Variants in CDH22 observed in about 807,000 individuals in gnomAD.
The protein encoded by CDH22 is cadherin 22.
In CDH22, 30 loss-of-function variants were observed where a neutral mutation model predicts 58.4. The observed-to-expected ratio is 0.51, with a 90% CI of 0.38 to 0.70. The LOEUF (loss-of-function observed/expected upper bound fraction) is 0.70. Among genes scored for constraint, CDH22 ranks in the 30% least tolerant of loss-of-function variants. The pLI is 0.00. For missense variants in CDH22, 1,014 were observed against 1,233.9 expected (o/e 0.82, Z 2.67); for synonymous variants, 513 against 558.2 (o/e 0.92, Z 1.14).
At chr20:46,259,665 G>A (rs2086422777) in intron 1 of CDH22, among the ~76,000 whole-genome samples, 1 of 152,210 alleles carries the variant, frequency 6.6e-6, no homozygotes, top group Non-Finnish European at 1.5e-5. Context: ...CTGCCTGGAG[G>A]AGGGGGGCAT....
chr20:46,175,367 T>C (rs1383201613), intron 11 of CDH22, among the ~76,000 whole-genome samples: 2 of 152,128 alleles, frequency 1.3e-5, no homozygotes, highest in East Asian at 1.9e-4. Flanking sequence ...TCCTGGGTGT[T>C]GAGGCCTGAG....
chr20:46,279,773 T>C (rs974672686), intron 1 of CDH22, among the ~76,000 whole-genome samples: 13 of 152,218 alleles, frequency 8.5e-5, no homozygotes, highest in Non-Finnish European at 1.5e-4. Context: ...GTATTTCTTA[T>C]AAAATTAAAA....
chr20:46,196,381 C>G (rs914756203), intron 8 of CDH22, among the ~76,000 whole-genome samples: 1 of 152,040 alleles, frequency 6.6e-6, no homozygotes, highest in African/African-American at 2.4e-5. Context: ...TCAAGCGATT[C>G]TCGTGCCTTA....
chr20:46,213,034 T>G lies in CDH22; in HGVS notation c.993A>C (p.Thr331=). 1.2e-6 allele frequency: 2 copies of G among 1,614,196 alleles called. No homozygotes were observed. Among genetic ancestry groups the G allele is most frequent in the Non-Finnish European group, 1.7e-6 (2 of 1,180,020 alleles). ...TGATGGCCTCCTGAGTGTCGCTGTC[T>G]GTGGTGACCTTGAACACATCGCCGC... ...SSGGDVFKVT[T]DSDTQEAIIV... is the part of the protein sequence containing the mutation. The change falls in exon 6 of 12, where the codon ACA becomes ACC. Residue 331 remains threonine (T), a synonymous_variant. Coordinates refer to ENST00000537909, the MANE Select transcript of CDH22 (RefSeq NM_021248.3).
At chr20:46,226,910 T>C (rs1388851052) in intron 4 of CDH22, among the ~76,000 whole-genome samples, 2 of 152,182 alleles carry the variant, frequency 1.3e-5, no homozygotes, top group Non-Finnish European at 2.9e-5. Flanking sequence ...TTAGTCAGGT[T>C]CTAATGTCAC....
chr20:46,258,910 G>A (rs1304600206), intron 1 of CDH22, among the ~76,000 whole-genome samples: 14 of 152,342 alleles, frequency 9.2e-5, no homozygotes, highest in Admixed American at 9.1e-4. Context: ...AGATCCCTGT[G>A]GTAGGGGCTA....
At chr20:46,271,094 A>G (rs1486412843) in intron 1 of CDH22, among the ~76,000 whole-genome samples, 1 of 152,216 alleles carries the variant, frequency 6.6e-6, no homozygotes, top group Non-Finnish European at 1.5e-5. Context: ...GTGGAAGATA[A>G]TGAATAGCAG....
Position 46,174,254 on chromosome 20 carries a change from G to A in CDH22, c.*252C>T. ...CCCCATCTCCCATTCTAACCCCAGA[G>A]CCACACCGTGCCCGGTCTCGCCTCA... On this transcript the variant is annotated 3_prime_UTR_variant, in exon 12 of 12. Coordinates refer to ENST00000537909, the MANE Select transcript of CDH22 (RefSeq NM_021248.3). This position sits in a 1 kb window ranked among gnomAD's most constrained non-coding sequence, Gnocchi z 4.4. 2.1e-6 allele frequency: 1 copy of A among 482,940 alleles called. No individual in the cohort carries two copies. Among genetic ancestry groups the A allele is most frequent in the Non-Finnish European group, 3.6e-6 (1 of 277,642 alleles). The allele number at this position is 482,940 out of a possible 1,614,324, so 29.9% of individuals were successfully genotyped here. A position where few individuals can be genotyped will look rare whatever the true frequency, so the allele number is the denominator to read the frequency against.
At chr20:46,263,586 G>T (rs2425811) in intron 1 of CDH22, among the ~76,000 whole-genome samples, 57,739 of 151,966 alleles carry the variant, frequency 0.38, 11,614 homozygotes, top group Middle Eastern at 0.55. Flanking sequence ...TTAGGGATGG[G>T]TGGGGCAAGT....
chr20:46,180,742 T>C (rs1437917335), intron 10 of CDH22, among the ~76,000 whole-genome samples: 1 of 152,056 alleles, frequency 6.6e-6, no homozygotes, highest in Admixed American at 6.5e-5. Context: ...AACAAATCTT[T>C]TTTTTTCTTG....
At chr20:46,193,981 C>A (rs1293976724) in intron 8 of CDH22, among the ~76,000 whole-genome samples, 2 of 152,060 alleles carry the variant, frequency 1.3e-5, no homozygotes, top group East Asian at 3.9e-4. Flanking sequence ...GAGTGAGAGC[C>A]CCCTCTTTAC....
intron 1 of CDH22, among the ~76,000 whole-genome samples, chr20:46,284,657 G>A (rs146648621): frequency 1.3e-5 from 2 of 152,296 alleles, no homozygotes; most frequent in Non-Finnish European, 2.9e-5. Flanking sequence ...CAGTGGCTCA[G>A]TATTTTTAAT....
chr20:46,174,749 C>T lies in CDH22; in HGVS notation c.2244G>A (p.Arg748=). The change falls in exon 12 of 12, where the codon AGG becomes AGA. Residue 748 remains arginine, a synonymous_variant. Coordinates refer to ENST00000537909, the MANE Select transcript of CDH22 (RefSeq NM_021248.3). The surrounding 1 kb of genome is among the most constrained non-coding windows in gnomAD (Gnocchi z 4.4). ...PSPEPDFSVF[R]DFISRKVALA... Reference sequence around the variant, plus strand: ...GTGCCACCTTGCGGCTGATGAAGTCCCTGAACACTGAGAAGTCTGGCTCGG... The same window carrying T: ...GTGCCACCTTGCGGCTGATGAAGTCTCTGAACACTGAGAAGTCTGGCTCGG... 6.5e-7 allele frequency: 1 copy of T among 1,548,630 alleles called. No homozygotes were observed. The highest frequency in any genetic ancestry group is 1.7e-4 in the Middle Eastern group (1 of 5,976).
At chr20:46,304,658 T>C (rs909896) in intron 1 of CDH22, among the ~76,000 whole-genome samples, 5,793 of 152,142 alleles carry the variant, frequency 0.038, 326 homozygotes, top group African/African-American at 0.12. Context: ...TGGAGGGAAA[T>C]GTGGGGGAAG....
intron 3 of CDH22, among the ~76,000 whole-genome samples, chr20:46,233,806 C>G (rs1004443720): frequency 6.6e-6 from 1 of 152,234 alleles, no homozygotes; most frequent in Non-Finnish European, 1.5e-5. Flanking sequence ...CTGTCCCGTT[C>G]CCCCCAGCAC....
intron 7 of CDH22, among the ~76,000 whole-genome samples, chr20:46,204,693 T>C (rs1449449474): frequency 1.3e-5 from 2 of 152,130 alleles, no homozygotes; most frequent in Non-Finnish European, 2.9e-5. Flanking sequence ...CCATGTCTGT[T>C]CAGAGCCGGA....
intron 5 of CDH22, among the ~76,000 whole-genome samples, chr20:46,215,984 A>G (rs1030072096): frequency 1.3e-5 from 2 of 151,744 alleles, no homozygotes; most frequent in Non-Finnish European, 2.9e-5. Flanking sequence ...TGTAGGCCAC[A>G]ATGATGCTGC....
chr20:46,203,758 T>G (rs1400575372), intron 7 of CDH22, among the ~76,000 whole-genome samples: 1 of 152,126 alleles, frequency 6.6e-6, no homozygotes. Flanking sequence ...CTTGCATGCC[T>G]GGGGGCGGGG....
chr20:46,199,142 G>A (rs1398522210), intron 8 of CDH22, among the ~76,000 whole-genome samples: 3 of 152,214 alleles, frequency 2.0e-5, no homozygotes, highest in East Asian at 3.8e-4. Context: ...CCTAGTTTGA[G>A]ACCAGCCCTA....
Sources: allele counts gnomAD v4.1 joint callset (sites outside exome capture counted in the v4.1 genomes callset), GRCh38; gene constraint gnomAD v4.1.1; non-coding constraint Gnocchi (gnomAD v3.1); transcripts MANE v1.5; gene names NCBI Gene and HGNC (gene_info 2026-07-23, HGNC 2026-07-21).